Variants in NXPE3 observed in about 807,000 individuals in gnomAD.
The protein encoded by NXPE3 is NXPE family member 3.
In NXPE3, 26 loss-of-function variants were observed where a neutral mutation model predicts 46.1. That is an observed-to-expected ratio of 0.56 (90% CI 0.41 to 0.78). NXPE3 has a LOEUF of 0.78. NXPE3 is among the 30% of genes least tolerant of loss of function. NXPE3 has a pLI of 0.00. For missense variants in NXPE3, 620 were observed against 686.0 expected (o/e 0.90, Z 1.07); for synonymous variants, 272 against 257.9 (o/e 1.05, Z -0.52).
rs2107230391 is a variant in NXPE3 at position 101,782,681 on chromosome 3, C to T, written c.-295C>T. On this transcript the variant is annotated 5_prime_UTR_variant, in exon 3 of 8. Transcript: ENST00000273347. ...ACAGAGTCCTGCTCTGTTGCCCAGG[C>T]TGGAGTACATTGGTGTGATGATCAT... 1 of 152,098 alleles carries T rather than the reference C, an allele frequency of 6.6e-6. No homozygotes were observed. The highest frequency in any genetic ancestry group is 6.5e-5 in the Admixed American group (1 of 15,268). The allele number at this position is 152,098 out of a possible 1,614,324, so 9.4% of individuals were successfully genotyped here. A position where few individuals can be genotyped will look rare whatever the true frequency, so the allele number is the denominator to read the frequency against.
intron 4 of NXPE3, among the ~76,000 whole-genome samples, chr3:101,797,514 G>A (rs1183936418): frequency 4.5e-5 from 6 of 132,438 alleles, no homozygotes; most frequent in East Asian, 2.2e-4. Context: ...ATGCTGGTGC[G>A]CTGCACCCAC....
intron 4 of NXPE3, among the ~76,000 whole-genome samples, chr3:101,794,857 G>A (rs961628492): frequency 2.6e-5 from 4 of 152,188 alleles, no homozygotes; most frequent in African/African-American, 9.7e-5. Context: ...GCCAGCTAAA[G>A]GCTCTAATTA....
At chr3:101,780,248 T>G (rs925280586) in intron 1 of NXPE3, among the ~76,000 whole-genome samples, 4 of 152,226 alleles carry the variant, frequency 2.6e-5, no homozygotes, top group African/African-American at 4.8e-5. Context: ...TATTTCTCCG[T>G]AGTGTTTGGG....
intron 5 of NXPE3, among the ~76,000 whole-genome samples, chr3:101,805,758 A>G (rs969694991): frequency 6.6e-6 from 1 of 151,988 alleles, no homozygotes; most frequent in Non-Finnish European, 1.5e-5. Context: ...GATTTGCTTT[A>G]TTGTTTTCAC....
rs377569267 is a variant in NXPE3, at chr3:101,821,533, A to G, written c.1259A>G (p.Asn420Ser). The change falls in exon 8 of 8, where the codon AAT becomes AGT. Residue 420 changes from asparagine to serine, a missense_variant. This residue lies in a region of NXPE3 where 511 missense variants were observed against 528.6 expected (regional missense o/e 0.97). Transcript: ENST00000273347. ...PPIRFTTVFSNELHYVANELN... is the reference protein window; with the variant it reads ...PPIRFTTVFSSELHYVANELN... ...ATCCGCTTCACGACTGTCTTTAGCA[A>G]TGAGCTCCATTATGTGGCGAATGAG... 1.2e-4 allele frequency: 191 copies of G among 1,614,078 alleles called. No homozygotes were observed. The highest frequency in any genetic ancestry group is 1.6e-4 in the Middle Eastern group (1 of 6,084).
rs1388159202 is a variant in NXPE3, at chr3:101,801,651, G to A, written c.510G>A (p.Lys170=). 2.5e-6 allele frequency: 4 copies of A among 1,614,058 alleles called. No homozygotes were observed. In the South Asian group the frequency reaches 4.4e-5, roughly 18 times the overall value. ...RVVDYQNGFY[K]VFFTLLWPGK... is the part of the protein sequence containing the mutation. ...TGGATTACCAGAATGGGTTTTACAA[G>A]GTTTTCTTTACTTTGCTATGGCCAG... is the stretch of plus-strand genomic sequence containing the variant. Residue 170 remains lysine, a synonymous_variant, in exon 5 of 8, where the codon AAG becomes AAA. Transcript: ENST00000273347.
chr3:101,821,318 T>G, intron 7 of NXPE3, 86 bp from the exon 8 acceptor site: 1 of 1,127,360 alleles, frequency 8.9e-7, no homozygotes. Flanking sequence ...AAAAAAATTG[T>G]TATTTGAAGC....
intron 4 of NXPE3, among the ~76,000 whole-genome samples, chr3:101,794,684 T>C (rs1940721778): frequency 6.6e-6 from 1 of 152,198 alleles, no homozygotes; most frequent in African/African-American, 2.4e-5. Flanking sequence ...AAAAGATAGT[T>C]GTGTAGTTCT....
Position 101,825,303 on chromosome 3 carries a change from G to C in NXPE3, c.*3349G>C, listed in dbSNP as rs924938587. The C allele has an allele frequency of 4.6e-5, 7 of 152,198 alleles. No individual in the cohort carries two copies. Among genetic ancestry groups the C allele is most frequent in the Non-Finnish European group, 1.0e-4 (7 of 68,036 alleles). The allele number at this position is 152,198 out of a possible 1,614,324, so 9.4% of individuals were successfully genotyped here. A position where few individuals can be genotyped will look rare whatever the true frequency, so the allele number is the denominator to read the frequency against. ...TCACTCTGGTGTGGAAATTTTGATA[G>C]AGATTCCAATATCACTTAAACGTTT... On this transcript the variant is annotated 3_prime_UTR_variant, in exon 8 of 8. Transcript: ENST00000273347.
intron 4 of NXPE3, among the ~76,000 whole-genome samples, chr3:101,800,899 AC>A (rs1941103397): frequency 6.6e-6 from 1 of 151,834 alleles, no homozygotes; most frequent in South Asian, 2.1e-4. Flanking sequence ...CTTAGGTTGG[AC>A]TGGGTGGCTC....
chr3:101,825,229 T>C lies in NXPE3; in HGVS notation c.*3275T>C, dbSNP rs1942441624. 4 of 152,186 alleles carry C rather than the reference T, an allele frequency of 2.6e-5. No homozygotes were observed. In the South Asian group the frequency reaches 8.3e-4, roughly 32 times the overall value. 9.4% of individuals were successfully genotyped at this position (152,186 alleles called of 1,614,324 possible). On this transcript the variant is annotated 3_prime_UTR_variant, in exon 8 of 8. Coordinates refer to ENST00000273347, the MANE Select transcript of NXPE3 (RefSeq NM_145037.4). ...TCCATGTGTTCTCATCATTTAGCTC[T>C]CACTTATCAGTGAGAACAACTTTCA...
intron 6 of NXPE3, among the ~76,000 whole-genome samples, chr3:101,812,398 T>G (rs1244808952): frequency 2.0e-5 from 3 of 152,146 alleles, no homozygotes; most frequent in African/African-American, 7.2e-5. Context: ...GAAGGAAGCC[T>G]CCTCAATATA....
chr3:101,807,556 T>C (rs1941477008), intron 6 of NXPE3, among the ~76,000 whole-genome samples: 1 of 151,912 alleles, frequency 6.6e-6, no homozygotes, highest in Non-Finnish European at 1.5e-5. Context: ...ATTCTTGAGC[T>C]CAAGCAATCC....
intron 4 of NXPE3, among the ~76,000 whole-genome samples, chr3:101,789,166 G>A (rs2107254497): frequency 6.6e-6 from 1 of 151,966 alleles, no homozygotes; most frequent in South Asian, 2.1e-4. Flanking sequence ...GGATTTAATT[G>A]TCTCGTCCTA....
chr3:101,779,667 T>TG (rs1470763880), intron 1 of NXPE3: 3 of 152,606 alleles, frequency 2.0e-5, no homozygotes, highest in Non-Finnish European at 4.4e-5. Context: ...TTCCTCCACT[T>TG]GCGGCAACGC....
intron 7 of NXPE3, among the ~76,000 whole-genome samples, chr3:101,820,779 A>G (rs1017826235): frequency 2.0e-5 from 3 of 152,190 alleles, no homozygotes; most frequent in Non-Finnish European, 2.9e-5. Context: ...GGAACAGAAA[A>G]CCAAATATTG....
chr3:101,808,818 GATATATATATATATATATATATATATAT>G (rs58006464), intron 6 of NXPE3, among the ~76,000 whole-genome samples: 3 of 30,814 alleles, frequency 9.7e-5, no homozygotes, highest in Admixed American at 9.7e-4. Context: ...AATTTTAGAG[GATATATATATATATATATATATATATAT>G]ATATATATAT....
chr3:101,808,387 A>G (rs1299869265), intron 6 of NXPE3, among the ~76,000 whole-genome samples: 1 of 152,080 alleles, frequency 6.6e-6, no homozygotes, highest in Non-Finnish European at 1.5e-5. Context: ...CTTTTGCTGC[A>G]GGGGCTTGAT....
chr3:101,798,036 C>T (rs942189289), intron 4 of NXPE3, among the ~76,000 whole-genome samples: 2 of 125,522 alleles, frequency 1.6e-5, no homozygotes, highest in Non-Finnish European at 3.3e-5. Flanking sequence ...TTTACAGTCC[C>T]ACCAACAGTG....
Sources: allele counts gnomAD v4.1 joint callset (sites outside exome capture counted in the v4.1 genomes callset), GRCh38; gene constraint gnomAD v4.1.1; regional missense constraint gnomAD v4.1.1; transcripts MANE v1.5; gene names NCBI Gene and HGNC (gene_info 2026-07-23, HGNC 2026-07-21).